The following WNK2 variants were observed in gnomAD, a reference collection of about 807,000 sequenced individuals.
WNK2 encodes the protein WNK lysine deficient protein kinase 2, also known as serine/threonine-protein kinase WNK2.
A neutral mutation model predicts 192.1 loss-of-function variants in WNK2; 67 were observed. The observed-to-expected ratio is 0.35, with a 90% CI of 0.29 to 0.43. WNK2 has a LOEUF of 0.43. Among genes scored for constraint, WNK2 ranks in the 20% least tolerant of loss-of-function variants. WNK2 has a pLI of 1.00. For missense variants in WNK2, 2,698 were observed against 3,089.7 expected (o/e 0.87, Z 3.01); for synonymous variants, 1,439 against 1,393.9 (o/e 1.03, Z -0.72).
At chr9:93,217,306 T>C (rs995699533) in intron 2 of WNK2, among the ~76,000 whole-genome samples, 7 of 152,194 alleles carry the variant, frequency 4.6e-5, no homozygotes, top group Non-Finnish European at 5.9e-5. Flanking sequence ...ACTGTGCACT[T>C]ACAGAACATC....
At chr9:93,315,205 C>T (rs1854406452) in intron 28 of WNK2, among the ~76,000 whole-genome samples, 1 of 152,212 alleles carries the variant, frequency 6.6e-6, no homozygotes, top group African/African-American at 2.4e-5. Context: ...GACAGCTCTG[C>T]TCTTCTCTGC....
At chr9:93,283,790 G>A (rs1403327697) in intron 19 of WNK2, among the ~76,000 whole-genome samples, 2 of 152,188 alleles carry the variant, frequency 1.3e-5, no homozygotes, top group South Asian at 2.1e-4. Context: ...GCTGGTGGCT[G>A]GAATGTACAC....
rs563248291 is a variant in WNK2 at position 93,207,070 on chromosome 9, G to A, written c.681+21460G>A. Among the ~76,000 whole-genome samples, 17 of 152,238 alleles carry A rather than the reference G, an allele frequency of 1.1e-4. No individual in the cohort carries two copies. In the East Asian group the frequency reaches 3.3e-3, roughly 29 times the overall value. On this transcript the variant is annotated intron_variant, in intron 2 of 29. Coordinates refer to ENST00000427277, the MANE Select transcript of WNK2 (RefSeq NM_006648.4). ...GGCTTCCTTGGAGAGCAGAGAGGCT[G>A]CCCCCAGAGGGTAATATCCTGGGGC...
intron 26 of WNK2, 27 bp downstream of exon 26, chr9:93,300,176 T>C (rs754189250): frequency 1.9e-6 from 3 of 1,592,994 alleles, no homozygotes; most frequent in Non-Finnish European, 1.7e-6. Flanking sequence ...TTGTATTTTA[T>C]CACCTCCTGG....
chr9:93,249,907 A>ATTTTTTTTT lies in WNK2; in HGVS notation c.1834+2091_1834+2099dup, dbSNP rs58293954. The stretch of plus-strand genomic sequence containing the variant: ...TCCCTAGAGGCAACAGATGCTACCA[A>ATTTTTTTTT]TTTTTTTTTTTTTTTTTTTTTTTTT... On this transcript the variant is annotated intron_variant, in intron 8 of 29. Transcript: ENST00000427277. Among the ~76,000 whole-genome samples, 23 of 85,440 alleles carry ATTTTTTTTT rather than the reference A, an allele frequency of 2.7e-4. 3 individuals are homozygous for ATTTTTTTTT. The highest frequency in any genetic ancestry group is 1.9e-3 in the East Asian group (5 of 2,664). The allele number at this position is 85,440 out of a possible 152,430, so 56.1% of individuals were successfully genotyped here.
chr9:93,299,998 A>T, intron 25 of WNK2, 53 bp from the exon 26 acceptor site: 1 of 1,500,720 alleles, frequency 6.7e-7, no homozygotes, highest in South Asian at 1.1e-5. Flanking sequence ...AATCGCAGCA[A>T]CCTGTACTTG....
chr9:93,298,194 T>C (rs761186509), intron 24 of WNK2, 127 bp downstream of exon 24: 21 of 1,023,916 alleles, frequency 2.1e-5, no homozygotes, highest in Non-Finnish European at 3.0e-5. Flanking sequence ...ATCTCCTTAC[T>C]GAATCTCCTT....
At chr9:93,220,629 C>A (rs1836681337) in intron 2 of WNK2, among the ~76,000 whole-genome samples, 1 of 152,170 alleles carries the variant, frequency 6.6e-6, no homozygotes, top group South Asian at 2.1e-4. Context: ...GGGAGACCTC[C>A]ATGGGGTGGC....
chr9:93,310,295 G>A (rs1853406719), intron 28 of WNK2, among the ~76,000 whole-genome samples: 1 of 152,180 alleles, frequency 6.6e-6, no homozygotes, highest in Non-Finnish European at 1.5e-5. Flanking sequence ...GCTCTGCGAG[G>A]CTGCACCCGG....
At chr9:93,195,480 C>T (rs1831071520) in intron 2 of WNK2, among the ~76,000 whole-genome samples, 1 of 152,058 alleles carries the variant, frequency 6.6e-6, no homozygotes, top group African/African-American at 2.4e-5. Context: ...AGGTGGATCA[C>T]TTGAGGTCAG....
chr9:93,304,917 G>A (rs1852234034), intron 26 of WNK2, among the ~76,000 whole-genome samples: 3 of 152,212 alleles, frequency 2.0e-5, no homozygotes, highest in African/African-American at 4.8e-5. Flanking sequence ...AGGGGCCCAA[G>A]TTTAGGAAGG....
At chr9:93,232,964 C>CAAAAAAAA (rs71511650) in intron 4 of WNK2, among the ~76,000 whole-genome samples, 6 of 81,938 alleles carry the variant, frequency 7.3e-5, no homozygotes, top group African/African-American at 9.8e-5. Context: ...CCTGTCTCTA[C>CAAAAAAAA]AAAAAAAAAA....
intron 2 of WNK2, among the ~76,000 whole-genome samples, chr9:93,189,931 C>A (rs570732637): frequency 3.9e-5 from 6 of 152,302 alleles, no homozygotes; most frequent in Middle Eastern, 6.8e-3. Context: ...GAGCCAGTGC[C>A]GGGCACAGAG....
At chr9:93,243,538 G>A (rs1841141004) in intron 7 of WNK2, among the ~76,000 whole-genome samples, 1 of 152,192 alleles carries the variant, frequency 6.6e-6, no homozygotes, top group African/African-American at 2.4e-5. Context: ...CCAAGAAGAA[G>A]GGACATGACC....
In WNK2 at chr9:93,258,945, T is replaced by C; in HGVS notation, c.2397T>C (p.Pro799=). ...GTCTCTTTCAGATGCCCCCGATTCC[T>C]GTTGTGCCCCCCATCACGCCCCTGG... The part of the protein sequence containing the change: ...AQVPPQMPPI[P]VVPPITPLAG... Residue 799 remains proline (P), a synonymous_variant, in exon 12 of 30, where the codon CCT becomes CCC. Coordinates refer to ENST00000427277, the MANE Select transcript of WNK2 (RefSeq NM_006648.4). The C allele has an allele frequency of 6.2e-7, 1 of 1,612,146 alleles. No individual in the cohort carries two copies. The highest frequency in any genetic ancestry group is 1.7e-4 in the Middle Eastern group (1 of 6,056).
intron 2 of WNK2, among the ~76,000 whole-genome samples, chr9:93,202,587 C>T (rs1462284893): frequency 6.6e-6 from 1 of 151,206 alleles, no homozygotes; most frequent in Non-Finnish European, 1.5e-5. Context: ...GGCTGATGGC[C>T]TTTCCACAAA....
At chr9:93,209,232 G>A (rs80010122) in intron 2 of WNK2, among the ~76,000 whole-genome samples, 1,684 of 152,280 alleles carry the variant, frequency 0.011, 39 homozygotes, top group African/African-American at 0.038. Flanking sequence ...CAGAGTCCAT[G>A]GCGATCTCCT....
chr9:93,268,620 C>A lies in WNK2; in HGVS notation c.3914-7C>A. On this transcript the variant is annotated splice_polypyrimidine_tract_variant and splice_region_variant and intron_variant, in intron 18 of 29. Coordinates refer to ENST00000427277, the MANE Select transcript of WNK2 (RefSeq NM_006648.4). ...ACTCAGCGTGCTGTTTCTGTTCTGC[C>A]CTTCAGTCCTGCACACCGGGAAGAG... 6.2e-7 allele frequency: 1 copy of A among 1,609,564 alleles called. No homozygotes were observed.
intron 2 of WNK2, among the ~76,000 whole-genome samples, chr9:93,228,504 G>A (rs73651381): frequency 0.03 from 4,619 of 152,184 alleles, 88 homozygotes; most frequent in Non-Finnish European, 0.044. Context: ...GGTTTCCTTC[G>A]GAAAATACAC....
Sources: gnomAD v4.1 joint callset for allele counts (sites outside exome capture counted in the v4.1 genomes callset) on GRCh38, gnomAD v4.1.1 for gene constraint, MANE v1.5 for transcripts, NCBI Gene and HGNC (gene_info 2026-07-23, HGNC 2026-07-21) for gene names.